Variants in MBNL2 observed in about 807,000 individuals in gnomAD.
The protein encoded by MBNL2 is muscleblind-like protein 2.
Under a neutral mutation model 41.9 loss-of-function variants are expected in MBNL2, and 17 were observed. That is an observed-to-expected ratio of 0.41 (90% CI 0.28 to 0.61). MBNL2 has a LOEUF of 0.61. Ranked by LOEUF, MBNL2 falls within the 20% of genes least tolerant of loss-of-function variation. MBNL2 has a pLI of 0.35. For missense variants in MBNL2, 336 were observed against 505.6 expected, an observed-to-expected ratio of 0.66 and a Z score of 3.22; for synonymous variants, 195 against 182.9, an observed-to-expected ratio of 1.07 and a Z score of -0.53.
intron 8 of MBNL2, among the ~76,000 whole-genome samples, chr13:97,384,598 G>T (rs979206849): frequency 6.6e-6 from 1 of 152,166 alleles, no homozygotes; most frequent in Non-Finnish European, 1.5e-5. Flanking sequence ...TGGGAAGAAG[G>T]AACTTGTGAG....
At chr13:97,270,789 T>C (rs116021984) in intron 1 of MBNL2, among the ~76,000 whole-genome samples, 1,767 of 152,296 alleles carry the variant, frequency 0.012, 33 homozygotes, top group African/African-American at 0.039. Flanking sequence ...ATGGCCATGC[T>C]GAAATGTGGT....
At chr13:97,232,851 ATGTGTGTGTGTGTG>A (rs34769353) in intron 1 of MBNL2, among the ~76,000 whole-genome samples, 18 of 130,582 alleles carry the variant, frequency 1.4e-4, no homozygotes, top group South Asian at 1.1e-3. Context: ...TCTTGACGCT[ATGTGTGTGTGTGTG>A]TGTGTGTGTG....
chr13:97,278,388 A>G (rs1020751985), intron 2 of MBNL2, among the ~76,000 whole-genome samples: 3 of 151,966 alleles, frequency 2.0e-5, no homozygotes, highest in Non-Finnish European at 2.9e-5. Flanking sequence ...ATTAATCCAA[A>G]CCTTCTCCAA....
At chr13:97,152,410 G>T in the MBNL2 span, among the ~76,000 whole-genome samples, 3 of 152,094 alleles carry the variant, frequency 2.0e-5, no homozygotes, top group African/African-American at 7.2e-5. Flanking sequence ...ATTTTGAAAA[G>T]TGAAGTACAT....
the MBNL2 span, among the ~76,000 whole-genome samples, chr13:97,200,084 T>C: frequency 6.6e-6 from 1 of 152,234 alleles, no homozygotes; most frequent in African/African-American, 2.4e-5. Flanking sequence ...TTCAACTGGA[T>C]CCCACAAGAC....
chr13:97,150,950 T>C, the MBNL2 span, among the ~76,000 whole-genome samples: 8 of 152,158 alleles, frequency 5.3e-5, no homozygotes, highest in Non-Finnish European at 1.2e-4. Context: ...GTTAGACTTT[T>C]GGATAGAAAA....
At chr13:97,199,070 A>G in the MBNL2 span, among the ~76,000 whole-genome samples, 1 of 151,988 alleles carries the variant, frequency 6.6e-6, no homozygotes, top group Non-Finnish European at 1.5e-5. Context: ...GACCTTATCC[A>G]TATCCACCTT....
At chr13:97,145,956 ACTCTT>A in the MBNL2 span, among the ~76,000 whole-genome samples, 1 of 123,114 alleles carries the variant, frequency 8.1e-6, no homozygotes, top group African/African-American at 3.4e-5. Context: ...ACAGGGTTCT[ACTCTT>A]TTCTTTTCTT....
At position 97,287,918 on chromosome 13, in the gene MBNL2, G is replaced by GTTTTTTTTTTTT. The variant is rs11423615; in HGVS notation, c.174+11519_174+11520insTTTTTTTTTTTT. 1.2e-4 allele frequency among the ~76,000 whole-genome samples: 15 copies of GTTTTTTTTTTTT among 124,608 alleles called. 2 individuals carry two copies. The highest frequency in any genetic ancestry group is 5.2e-4 in the African/African-American group (15 of 28,766). 81.7% of individuals were successfully genotyped at this position (124,608 alleles called of 152,430 possible). On this transcript the variant is annotated intron_variant, in intron 2 of 8. Transcript: ENST00000679496. ...TGCCACCAGGCCCGGCTAATTTTCT[G>GTTTTTTTTTTTT]TTTTTTTTTTGTTTTGTTTTGTTTT...
intron 7 of MBNL2, among the ~76,000 whole-genome samples, chr13:97,358,620 C>T (rs1229759497): frequency 3.3e-5 from 5 of 152,090 alleles, no homozygotes; most frequent in Non-Finnish European, 7.4e-5. Context: ...AAGATAGTCA[C>T]CATAATTGAC....
chr13:97,370,297 G>A (rs970734228), intron 8 of MBNL2, among the ~76,000 whole-genome samples: 1 of 152,208 alleles, frequency 6.6e-6, no homozygotes, highest in Non-Finnish European at 1.5e-5. Flanking sequence ...AAGCTAAGAT[G>A]AATCTTACAC....
chr13:97,146,347 T>C, the MBNL2 span, among the ~76,000 whole-genome samples: 1 of 152,158 alleles, frequency 6.6e-6, no homozygotes, highest in Non-Finnish European at 1.5e-5. Context: ...TCCAGTCTAT[T>C]GTGAACAAAA....
Position 97,393,832 on chromosome 13 carries a change from A to G in MBNL2, c.*2383A>G, listed in dbSNP as rs1400832011. 6.6e-6 allele frequency: 1 copy of G among 152,548 alleles called. No homozygotes were observed. Among genetic ancestry groups the G allele is most frequent in the Admixed American group, 6.5e-5 (1 of 15,270 alleles). 9.4% of individuals were successfully genotyped at this position (152,548 alleles called of 1,614,324 possible). A position where few individuals can be genotyped will look rare whatever the true frequency, so the allele number is the denominator to read the frequency against. On this transcript the variant is annotated 3_prime_UTR_variant, in exon 9 of 9. Coordinates refer to ENST00000679496, the MANE Select transcript of MBNL2 (RefSeq NM_001382683.1). ...AATCACCAATATCCAAGACATGAAG[A>G]TATCAGTTCAACAAATACTGTAGTT... is the stretch of plus-strand genomic sequence containing the variant.
chr13:97,172,803 C>G, the MBNL2 span: 3 of 152,162 alleles, frequency 2.0e-5, no homozygotes, highest in Non-Finnish European at 2.9e-5. Context: ...AACTGTAAGT[C>G]TCCCATCTCT....
intron 8 of MBNL2, among the ~76,000 whole-genome samples, chr13:97,382,496 A>G (rs2153160498): frequency 6.6e-6 from 1 of 152,322 alleles, no homozygotes; most frequent in East Asian, 1.9e-4. Context: ...TTCCATGACT[A>G]GAATGTCATC....
the MBNL2 span, among the ~76,000 whole-genome samples, chr13:97,214,155 G>C: frequency 6.6e-6 from 1 of 150,482 alleles, no homozygotes; most frequent in Non-Finnish European, 1.5e-5. Context: ...GATCTAAGCT[G>C]CTCATCAAGC....
At chr13:97,153,829 T>C in the MBNL2 span, among the ~76,000 whole-genome samples, 1 of 152,150 alleles carries the variant, frequency 6.6e-6, no homozygotes, top group African/African-American at 2.4e-5. Context: ...TTCCTAAAAT[T>C]TGGACAGTTT....
At chr13:97,378,705 G>C (rs1365098382) in intron 8 of MBNL2, among the ~76,000 whole-genome samples, 1 of 151,926 alleles carries the variant, frequency 6.6e-6, no homozygotes, top group Non-Finnish European at 1.5e-5. Context: ...CATACAGATC[G>C]TATAATATTT....
intron 1 of MBNL2, among the ~76,000 whole-genome samples, chr13:97,235,654 G>C (rs1183062746): frequency 2.0e-5 from 3 of 152,158 alleles, no homozygotes; most frequent in African/African-American, 7.2e-5. Flanking sequence ...TGCCGGCGCA[G>C]CCTGTGCGCT....
Sources: gnomAD v4.1 joint callset for allele counts (sites outside exome capture counted in the v4.1 genomes callset) on GRCh38, gnomAD v4.1.1 for gene constraint, MANE v1.5 for transcripts, NCBI Gene and HGNC (gene_info 2026-07-23, HGNC 2026-07-21) for gene names.